The following NFIB variants were observed in gnomAD, a reference collection of about 807,000 sequenced individuals.
NFIB encodes the protein nuclear factor I B, also known as nuclear factor 1 B-type.
NFIB carries 11 observed loss-of-function variants against 61.5 expected under a neutral mutation model. The ratio of observed to expected loss-of-function variants is 0.18; its 90% CI spans 0.11 to 0.30. The LOEUF is 0.30. Ranked by LOEUF, NFIB falls within the 10% of genes least tolerant of loss-of-function variation. The probability of loss-of-function intolerance (pLI) is 1.00; values close to 1 mark genes in which losing one functional copy is unlikely to be tolerated. For missense variants in NFIB, 471 were observed against 608.9 expected, an observed-to-expected ratio of 0.77 and a Z score of 2.38; for synonymous variants, 260 against 216.5, an observed-to-expected ratio of 1.20 and a Z score of -1.76.
At chr9:14,508,896 A>C in the NFIB span, among the ~76,000 whole-genome samples, 14 of 152,376 alleles carry the variant, frequency 9.2e-5, no homozygotes, top group Non-Finnish European at 1.8e-4. Context: ...TCACAAATTG[A>C]AACTTATTTG....
At chr9:14,244,595 T>C (rs1292407880) in intron 2 of NFIB, among the ~76,000 whole-genome samples, 1 of 152,196 alleles carries the variant, frequency 6.6e-6, no homozygotes, top group East Asian at 1.9e-4. Flanking sequence ...TTAGTAACTT[T>C]GCAGCATATC....
chr9:14,163,800 T>A (rs1364631096), intron 3 of NFIB, among the ~76,000 whole-genome samples: 1 of 152,004 alleles, frequency 6.6e-6, no homozygotes, highest in Non-Finnish European at 1.5e-5. Context: ...CGATCATGTT[T>A]TTGACCAAAG....
At chr9:14,321,950 G>A (rs2060671371) in intron 1 of NFIB, 3 of 1,231,410 alleles carry the variant, frequency 2.4e-6, no homozygotes, top group South Asian at 8.2e-5. Flanking sequence ...CCATCGCACT[G>A]TATTGCATTA....
the NFIB span, among the ~76,000 whole-genome samples, chr9:14,444,104 C>T: frequency 3.9e-5 from 6 of 152,084 alleles, no homozygotes; most frequent in Admixed American, 1.3e-4. Context: ...CCTAATCATG[C>T]GAAAGTACAT....
chr9:14,514,834 C>A, the NFIB span, among the ~76,000 whole-genome samples: 1 of 152,088 alleles, frequency 6.6e-6, no homozygotes, highest in African/African-American at 2.4e-5. Context: ...TTCTCTCAAC[C>A]AAATGAACCA....
At chr9:14,169,502 G>C (rs769243858) in intron 3 of NFIB, among the ~76,000 whole-genome samples, 1 of 152,186 alleles carries the variant, frequency 6.6e-6, no homozygotes, top group East Asian at 1.9e-4. Context: ...ATTCTTCTAT[G>C]ATCAATGACA....
chr9:14,369,241 G>A (rs2061332550), intron 1 of NFIB, among the ~76,000 whole-genome samples: 1 of 152,192 alleles, frequency 6.6e-6, no homozygotes, highest in African/African-American at 2.4e-5. Context: ...ATCATTTCAA[G>A]CACAGTGATT....
chr9:14,093,781 T>C (rs539680336), intron 10 of NFIB, among the ~76,000 whole-genome samples: 1 of 152,222 alleles, frequency 6.6e-6, no homozygotes, highest in African/African-American at 2.4e-5. Flanking sequence ...GCATTCGGAC[T>C]GGTTGCTTAC....
At chr9:14,150,364 TAG>T in intron 4 of NFIB, 99 bp from the exon 5 acceptor site, 3 of 1,563,202 alleles carry the variant, frequency 1.9e-6, no homozygotes, top group Non-Finnish European at 2.6e-6. Context: ...TGGTCAAAGA[TAG>T]AGAGAACTTT....
chr9:14,214,879 T>C (rs988975098), intron 2 of NFIB, among the ~76,000 whole-genome samples: 2 of 152,230 alleles, frequency 1.3e-5, no homozygotes, highest in Non-Finnish European at 2.9e-5. Flanking sequence ...TCCTATACAA[T>C]TGGAATTTAA....
chr9:14,103,996 C>T (rs1007103851), intron 10 of NFIB, among the ~76,000 whole-genome samples: 1 of 151,880 alleles, frequency 6.6e-6, no homozygotes, highest in African/African-American at 2.4e-5. Flanking sequence ...CAGTTCACTG[C>T]AACCTTCACC....
chr9:14,341,698 T>C (rs2060952317), intron 1 of NFIB, among the ~76,000 whole-genome samples: 1 of 152,190 alleles, frequency 6.6e-6, no homozygotes, highest in Non-Finnish European at 1.5e-5. Flanking sequence ...GGTGGGAACA[T>C]TTTTTATGTG....
chr9:14,403,316 G>C (rs528451775), upstream of NFIB, among the ~76,000 whole-genome samples: 1 of 152,326 alleles, frequency 6.6e-6, no homozygotes, highest in East Asian at 1.9e-4. Context: ...GGCAGCCTCA[G>C]CAGGCAAGGC....
chr9:14,316,016 G>T (rs1588295076), upstream of NFIB, among the ~76,000 whole-genome samples: 1 of 152,034 alleles, frequency 6.6e-6, no homozygotes, highest in African/African-American at 2.4e-5. Flanking sequence ...CCCAGCTCGT[G>T]ATCTGTCCCC....
chr9:14,473,618 C>T, the NFIB span, among the ~76,000 whole-genome samples: 1 of 152,214 alleles, frequency 6.6e-6, no homozygotes. Context: ...TTCAATCAGG[C>T]TATACTGCCT....
At chr9:14,408,684 GA>G in the NFIB span, among the ~76,000 whole-genome samples, 1 of 152,078 alleles carries the variant, frequency 6.6e-6, no homozygotes, top group Non-Finnish European at 1.5e-5. Flanking sequence ...TATTAGTGTG[GA>G]AAAAGAGTAG....
chr9:14,468,945 T>C, the NFIB span, among the ~76,000 whole-genome samples: 2 of 152,122 alleles, frequency 1.3e-5, no homozygotes, highest in African/African-American at 4.8e-5. Context: ...ATATCCTCTT[T>C]CCTCCCTCAT....
the NFIB span, among the ~76,000 whole-genome samples, chr9:14,417,514 T>C: frequency 1.3e-5 from 2 of 152,316 alleles, no homozygotes; most frequent in Admixed American, 6.5e-5. Context: ...ACCAAGATGA[T>C]GGTCCAAATG....
rs1563764300 is a variant in NFIB at position 14,083,594 on chromosome 9, G to A, written c.*4715C>T. ...TTGACAGGAACATGTAAACTATATT[G>A]AATGTCATGCTTGGGGCCTATCTGC... On this transcript the variant is annotated 3_prime_UTR_variant, in exon 11 of 11. Coordinates refer to ENST00000380953, the MANE Select transcript of NFIB (RefSeq NM_001190737.2). 4.6e-6 allele frequency: 1 copy of A among 219,716 alleles called. No individual in the cohort carries two copies. Among genetic ancestry groups the A allele is most frequent in the Non-Finnish European group, 9.1e-6 (1 of 109,588 alleles). The allele number at this position is 219,716 out of a possible 1,614,324, so 13.6% of individuals were successfully genotyped here.
Sources: allele counts gnomAD v4.1 joint callset (sites outside exome capture counted in the v4.1 genomes callset), GRCh38; gene constraint gnomAD v4.1.1; transcripts MANE v1.5; gene names NCBI Gene and HGNC (gene_info 2026-07-23, HGNC 2026-07-21).